Variants in DNAH8 observed in about 807,000 individuals in gnomAD.
DNAH8 encodes dynein axonemal heavy chain 8.
In DNAH8, 382 loss-of-function variants were observed where a neutral mutation model predicts 562.1. That is an observed-to-expected ratio of 0.68 (90% confidence interval 0.63 to 0.74). DNAH8 has a LOEUF of 0.74. Among genes scored for constraint, DNAH8 ranks in the 30% least tolerant of loss-of-function variants. The probability of loss-of-function intolerance (pLI) is 0.00; values close to 1 mark genes in which losing one functional copy is unlikely to be tolerated. For missense variants in DNAH8, 5,203 were observed against 5,620.4 expected (o/e 0.93, Z 2.37); for synonymous variants, 1,881 against 1,919.4 (o/e 0.98, Z 0.52).
chr6:38,722,319 G>C (rs1262887774), intron 1 of DNAH8, among the ~76,000 whole-genome samples: 1 of 152,178 alleles, frequency 6.6e-6, no homozygotes, highest in East Asian at 1.9e-4. Context: ...ATAGTTCCTT[G>C]AAGCAAGGAA....
rs1554124176 is a variant in DNAH8 at position 38,874,068 on chromosome 6, T to TTTC, written c.7620+694_7620+695insCTT. On this transcript the variant is annotated intron_variant, in intron 52 of 92. Coordinates refer to ENST00000327475, the MANE Select transcript of DNAH8 (RefSeq NM_001206927.2). ...TTTCTTTCTTTCTTTCTTTCTTTCTTTTTCTTTCTTTCTTTCTTTCTTTCT... is the reference window on the plus strand; with the variant it reads ...TTTCTTTCTTTCTTTCTTTCTTTCTTTTCTTTCTTTCTTTCTTTCTTTCTTTCT... Among the ~76,000 whole-genome samples, 2 of 57,062 alleles carry TTTC rather than the reference T, an allele frequency of 3.5e-5. 1 individual carries two copies. The highest frequency in any genetic ancestry group is 1.3e-4 in the African/African-American group (2 of 15,612). 37.4% of individuals were successfully genotyped at this position (57,062 alleles called of 152,430 possible).
intron 88 of DNAH8, among the ~76,000 whole-genome samples, chr6:39,003,184 C>T (rs1765593761): frequency 6.6e-6 from 1 of 152,152 alleles, no homozygotes; most frequent in African/African-American, 2.4e-5. Flanking sequence ...TCACAAAAGG[C>T]TGTGGAACTG....
At position 38,826,348 on chromosome 6, in the gene DNAH8, G is replaced by A. The variant is rs780654058; in HGVS notation, c.4040G>A (p.Arg1347His). 1.1e-5 allele frequency: 17 copies of A among 1,611,758 alleles called. No individual in the cohort carries two copies. Among genetic ancestry groups the A allele is most frequent in the Middle Eastern group, 3.3e-4 (2 of 6,080 alleles). ...GCAATGGAAGCCTTGTCTTGCATAC[G>A]TGATAATGAAATTCAAATGGACATG... ...RFAMEALSCI[R>H]DNEIQMDMTL... is the part of the protein sequence containing the mutation. The change falls in exon 29 of 93, where the codon CGT becomes CAT. Residue 1347 changes from arginine (R) to histidine (H), a missense_variant. Physicochemically the swap from Arg to His is conservative, Grantham distance 29. This residue lies in a region of DNAH8 where 2,176 missense variants were observed against 2,365.1 expected (regional missense o/e 0.92). Transcript: ENST00000327475.
chr6:38,734,682 C>A, intron 5 of DNAH8, 57 bp downstream of exon 5: 2 of 1,558,242 alleles, frequency 1.3e-6, no homozygotes, highest in South Asian at 2.4e-5. Context: ...TTTTTGTAGT[C>A]ACACTTATGC....
chr6:38,825,673 T>G (rs1191924772), intron 28 of DNAH8, among the ~76,000 whole-genome samples: 1 of 152,152 alleles, frequency 6.6e-6, no homozygotes, highest in Non-Finnish European at 1.5e-5. Context: ...CTGGGACAAC[T>G]GGCTAGGTCC....
intron 55 of DNAH8, 121 bp from the exon 56 acceptor site, chr6:38,883,755 T>G: frequency 1.3e-6 from 1 of 761,134 alleles, no homozygotes; most frequent in Non-Finnish European, 1.9e-6. Flanking sequence ...ATTTTAATAA[T>G]TATATGTATA....
chr6:38,965,984 A>G (rs2150676859), intron 82 of DNAH8, among the ~76,000 whole-genome samples: 1 of 152,356 alleles, frequency 6.6e-6, no homozygotes, highest in South Asian at 2.1e-4. Context: ...AACTCAAAGC[A>G]GTCAAAAGAA....
chr6:38,932,009 A>G lies in DNAH8; in HGVS notation c.11457+16A>G, dbSNP rs756457105. 1 of 1,501,808 alleles carries G rather than the reference A, an allele frequency of 6.7e-7. No individual in the cohort carries two copies. The highest frequency in any genetic ancestry group is 2.5e-5 in the East Asian group (1 of 40,114). The allele number at this position is 1,501,808 out of a possible 1,614,324, so 93.0% of individuals were successfully genotyped here. A position where few individuals can be genotyped will look rare whatever the true frequency, so the allele number is the denominator to read the frequency against. On this transcript the variant is annotated intron_variant, in intron 76 of 92. Transcript: ENST00000327475. ...AGAGAAACAGGTAATCTCTCTCTCAAGGTAAAGAATTTCTGCTTATAATAC... is the reference window on the plus strand; with the variant it reads ...AGAGAAACAGGTAATCTCTCTCTCAGGGTAAAGAATTTCTGCTTATAATAC...
chr6:38,866,714 GTTCT>G, intron 46 of DNAH8, 37 bp downstream of exon 46: 1 of 1,593,092 alleles, frequency 6.3e-7, no homozygotes, highest in Non-Finnish European at 8.6e-7. Flanking sequence ...TGTGCTTTAT[GTTCT>G]TTACTTGTTT....
chr6:38,729,701 T>C, intron 3 of DNAH8, among the ~76,000 whole-genome samples: 1 of 152,218 alleles, frequency 6.6e-6, no homozygotes, highest in East Asian at 1.9e-4. Flanking sequence ...AAACTATATA[T>C]GTAGGTCATT....
rs779112044 is a variant in DNAH8 at position 38,734,552 on chromosome 6, AACTAAAAGG to A, written c.693_701del (p.Lys232_Leu234del). On this transcript the variant is annotated inframe_deletion, in exon 5 of 93. Coordinates refer to ENST00000327475, the MANE Select transcript of DNAH8 (RefSeq NM_001206927.2). ...TATATAGACAATGCAGCCCCGGATA[AACTAAAAGG>A]ACTGTGCATATTTTTTGTTCGTTGC... 1 of 1,613,954 alleles carries A rather than the reference AACTAAAAGG, an allele frequency of 6.2e-7. No homozygotes were observed. The highest frequency in any genetic ancestry group is 8.5e-7 in the Non-Finnish European group (1 of 1,179,998).
At position 38,894,729 on chromosome 6, in the gene DNAH8, T is replaced by C; in HGVS notation, c.8612T>C (p.Phe2871Ser). 6.2e-7 allele frequency: 1 copy of C among 1,614,032 alleles called. No homozygotes were observed. Among genetic ancestry groups the C allele is most frequent in the South Asian group, 1.1e-5 (1 of 91,062 alleles). Residue 2871 changes from phenylalanine (F) to serine (S), a missense_variant, in exon 59 of 93, where the codon TTT (phenylalanine) becomes TCT (serine). By Grantham distance (155) the Phe-to-Ser change is radical. Coordinates refer to ENST00000327475, the MANE Select transcript of DNAH8 (RefSeq NM_001206927.2). ...KVKMLPTPSK[F>S]HYIFNLRDLS... ...AAGATGCTGCCAACTCCTTCTAAATTTCATTACATCTTCAATCTTCGAGAT... is the reference window on the plus strand; with the variant it reads ...AAGATGCTGCCAACTCCTTCTAAATCTCATTACATCTTCAATCTTCGAGAT...
chr6:38,999,488 T>G (rs2150748090), intron 88 of DNAH8, among the ~76,000 whole-genome samples: 1 of 152,126 alleles, frequency 6.6e-6, no homozygotes, highest in South Asian at 2.1e-4. Context: ...TTTTCTTGTC[T>G]TTAATCATTA....
chr6:38,998,913 G>C (rs1348982840), intron 88 of DNAH8, among the ~76,000 whole-genome samples: 51 of 152,188 alleles, frequency 3.4e-4, no homozygotes, highest in Admixed American at 3.3e-3. Flanking sequence ...GGCATATAGA[G>C]AGATTTGCAA....
At chr6:38,799,980 G>T (rs1415757987) in intron 21 of DNAH8, among the ~76,000 whole-genome samples, 1 of 151,874 alleles carries the variant, frequency 6.6e-6, no homozygotes, top group Non-Finnish European at 1.5e-5. Flanking sequence ...ACAATGTCTT[G>T]CCCTGTCACC....
At chr6:38,828,979 A>G (rs1773600799) in intron 30 of DNAH8, among the ~76,000 whole-genome samples, 1 of 152,186 alleles carries the variant, frequency 6.6e-6, no homozygotes, top group African/African-American at 2.4e-5. Flanking sequence ...AGACTAAATC[A>G]TACAATATAT....
intron 63 of DNAH8, among the ~76,000 whole-genome samples, chr6:38,907,435 A>G (rs894312506): frequency 6.6e-6 from 1 of 152,208 alleles, no homozygotes. Flanking sequence ...GTTTGTGTAA[A>G]CAGTCTAGTT....
chr6:38,989,833 ACT>A (rs1039271590), intron 87 of DNAH8, among the ~76,000 whole-genome samples, 177 bp from the exon 88 acceptor site: 3 of 151,776 alleles, frequency 2.0e-5, no homozygotes, highest in Non-Finnish European at 2.9e-5. Context: ...TGTGTTCTGG[ACT>A]CTCTCTTTTC....
intron 62 of DNAH8, among the ~76,000 whole-genome samples, chr6:38,900,741 C>T (rs1377775043): frequency 1.3e-5 from 2 of 152,222 alleles, no homozygotes; most frequent in South Asian, 2.1e-4. Context: ...CCTCAGCTCA[C>T]GAGTAGCTGG....
Sources: allele counts gnomAD v4.1 joint callset (sites outside exome capture counted in the v4.1 genomes callset), GRCh38; gene constraint gnomAD v4.1.1; regional missense constraint gnomAD v4.1.1; transcripts MANE v1.5; gene names NCBI Gene and HGNC (gene_info 2026-07-23, HGNC 2026-07-21).